Variants in ZBTB44 observed in about 807,000 individuals in gnomAD.
ZBTB44 encodes the protein zinc finger and BTB domain-containing protein 44.
A neutral mutation model predicts 54.0 loss-of-function variants in ZBTB44; 15 were observed. The ratio of observed to expected loss-of-function variants is 0.28; its 90% CI spans 0.19 to 0.43. The LOEUF is 0.43. Ranked by LOEUF, ZBTB44 falls within the 20% of genes least tolerant of loss-of-function variation. The pLI is 1.00. For missense variants in ZBTB44, 487 were observed against 707.1 expected (o/e 0.69, Z 3.53); for synonymous variants, 230 against 250.1 (o/e 0.92, Z 0.76).
At chr11:130,278,012 T>G (rs531972623) in intron 1 of ZBTB44, among the ~76,000 whole-genome samples, 16 of 152,358 alleles carry the variant, frequency 1.1e-4, no homozygotes, top group African/African-American at 3.8e-4. Flanking sequence ...TGAGTTATTT[T>G]CTTACTATTT....
chr11:130,306,677 G>A (rs1942281544), intron 1 of ZBTB44, among the ~76,000 whole-genome samples: 2 of 151,978 alleles, frequency 1.3e-5, no homozygotes, highest in Non-Finnish European at 1.5e-5. Context: ...ATCAAACAAC[G>A]AGCAGATAAA....
chr11:130,254,272 T>C (rs1191321878), intron 2 of ZBTB44, among the ~76,000 whole-genome samples: 1 of 151,728 alleles, frequency 6.6e-6, no homozygotes, highest in Admixed American at 6.6e-5. Flanking sequence ...ACCATCAGAG[T>C]GAACAGGCAA....
intron 2 of ZBTB44, among the ~76,000 whole-genome samples, chr11:130,254,218 G>A (rs1938251109): frequency 6.6e-6 from 1 of 152,138 alleles, no homozygotes; most frequent in South Asian, 2.1e-4. Context: ...ATTGACAAAT[G>A]GGATCTAATT....
chr11:130,280,114 G>C (rs990414711), intron 1 of ZBTB44, among the ~76,000 whole-genome samples: 1 of 152,146 alleles, frequency 6.6e-6, no homozygotes, highest in Non-Finnish European at 1.5e-5. Context: ...AGGGTGTCAA[G>C]CCCAAAGTAC....
At chr11:130,301,673 A>T (rs1408763263) in intron 1 of ZBTB44, among the ~76,000 whole-genome samples, 1 of 152,034 alleles carries the variant, frequency 6.6e-6, no homozygotes, top group Non-Finnish European at 1.5e-5. Flanking sequence ...CAAATAAATA[A>T]ATAAATGTGG....
chr11:130,253,896 C>A (rs1177260645), intron 2 of ZBTB44, among the ~76,000 whole-genome samples: 1 of 152,050 alleles, frequency 6.6e-6, no homozygotes, highest in East Asian at 1.9e-4. Flanking sequence ...CAGAACAGAG[C>A]CCTCAGAAAT....
intron 2 of ZBTB44, among the ~76,000 whole-genome samples, chr11:130,246,643 C>T (rs1036113309): frequency 6.6e-6 from 1 of 152,210 alleles, no homozygotes; most frequent in Admixed American, 6.5e-5. Context: ...AAAGCAATTA[C>T]AGTGGTCATC....
intron 1 of ZBTB44, among the ~76,000 whole-genome samples, chr11:130,281,654 G>A (rs904263935): frequency 1.3e-5 from 2 of 152,148 alleles, no homozygotes; most frequent in African/African-American, 4.8e-5. Flanking sequence ...GAGTGCAGTG[G>A]TGTGATATCG....
intron 1 of ZBTB44, among the ~76,000 whole-genome samples, chr11:130,297,468 G>A (rs887397533): frequency 2.0e-5 from 3 of 152,194 alleles, no homozygotes; most frequent in South Asian, 4.1e-4. Flanking sequence ...CTTGGTATGG[G>A]GTTGAATTGG....
chr11:130,239,773 A>G (rs760902156), intron 3 of ZBTB44, 39 bp downstream of exon 3: 2 of 1,540,280 alleles, frequency 1.3e-6, no homozygotes, highest in Non-Finnish European at 1.8e-6. Flanking sequence ...TTGTAAACAC[A>G]ACCCTTAAGA....
chr11:130,263,445 G>T (rs532464415), intron 1 of ZBTB44, among the ~76,000 whole-genome samples: 5 of 152,324 alleles, frequency 3.3e-5, no homozygotes, highest in Middle Eastern at 3.4e-3. Flanking sequence ...TTTAAAGCAT[G>T]GCCTTCGAGA....
At position 130,231,503 on chromosome 11, in the gene ZBTB44, G is replaced by A. The variant is rs1953875710; in HGVS notation, c.*261C>T. On this transcript the variant is annotated 3_prime_UTR_variant, in exon 8 of 8. Coordinates refer to ENST00000357899, the MANE Select transcript of ZBTB44 (RefSeq NM_001301098.2). ...CTTGGGAAGGAATACCCAGTGATGG[G>A]TAATCCCTCATTCTGAGAACACAGT... The A allele has an allele frequency of 6.6e-6, 1 of 152,074 alleles. No homozygotes were observed. The highest frequency in any genetic ancestry group is 6.5e-5 in the Admixed American group (1 of 15,268). The allele number at this position is 152,074 out of a possible 1,614,324, so 9.4% of individuals were successfully genotyped here. A position where few individuals can be genotyped will look rare whatever the true frequency, so the allele number is the denominator to read the frequency against.
At chr11:130,271,499 TAGG>T (rs1193655464) in intron 1 of ZBTB44, among the ~76,000 whole-genome samples, 2 of 152,144 alleles carry the variant, frequency 1.3e-5, no homozygotes, top group Non-Finnish European at 1.5e-5. Flanking sequence ...CAGACAAACC[TAGG>T]AGAACCCCCT....
At position 130,228,260 on chromosome 11, in the gene ZBTB44, A is replaced by C. The variant is rs1461537224; in HGVS notation, c.*3504T>G. On this transcript the variant is annotated 3_prime_UTR_variant, in exon 8 of 8. Coordinates refer to ENST00000357899, the MANE Select transcript of ZBTB44 (RefSeq NM_001301098.2). ...GCTTTTTTAAAAAATACCTTGAGAT[A>C]TAAGCATTAGAAGTCATCACTTTGT... 1 of 152,228 alleles carries C rather than the reference A, an allele frequency of 6.6e-6. No individual in the cohort carries two copies. The highest frequency in any genetic ancestry group is 1.5e-5 in the Non-Finnish European group (1 of 68,034). The allele number at this position is 152,228 out of a possible 1,614,324, so 9.4% of individuals were successfully genotyped here.
At chr11:130,284,539 G>A (rs937623566) in intron 1 of ZBTB44, among the ~76,000 whole-genome samples, 1 of 152,148 alleles carries the variant, frequency 6.6e-6, no homozygotes, top group Non-Finnish European at 1.5e-5. Flanking sequence ...ATGGAGCACA[G>A]ATGACTTGGT....
chr11:130,312,305 C>A (rs1314398506), intron 1 of ZBTB44, among the ~76,000 whole-genome samples: 1 of 152,136 alleles, frequency 6.6e-6, no homozygotes, highest in African/African-American at 2.4e-5. Context: ...AACTGGCAAA[C>A]CACACCTTTA....
rs1353819668 is a variant in ZBTB44 at position 130,226,742 on chromosome 11, T to C, written c.*5022A>G. On this transcript the variant is annotated 3_prime_UTR_variant, in exon 8 of 8. Transcript: ENST00000357899. Reference sequence around the variant, plus strand: ...AAAACAAAATCAAACCTTAGTCTCATGTTTCTATCTAAAGACACTCAAAAC... The same window carrying C: ...AAAACAAAATCAAACCTTAGTCTCACGTTTCTATCTAAAGACACTCAAAAC... 1.3e-5 allele frequency: 2 copies of C among 152,208 alleles called. No homozygotes were observed. Among genetic ancestry groups the C allele is most frequent in the Admixed American group, 6.5e-5 (1 of 15,276 alleles). 9.4% of individuals were successfully genotyped at this position (152,208 alleles called of 1,614,324 possible). A position where few individuals can be genotyped will look rare whatever the true frequency, so the allele number is the denominator to read the frequency against.
chr11:130,228,540 A>T lies in ZBTB44; in HGVS notation c.*3224T>A, dbSNP rs546022426. 84 of 152,342 alleles carry T rather than the reference A, an allele frequency of 5.5e-4. No individual in the cohort carries two copies. Among genetic ancestry groups the T allele is most frequent in the Middle Eastern group, 3.4e-3 (1 of 294 alleles). 9.4% of individuals were successfully genotyped at this position (152,342 alleles called of 1,614,324 possible). On this transcript the variant is annotated 3_prime_UTR_variant, in exon 8 of 8. Transcript: ENST00000357899. ...CCTTAGAAAGCAGGTGTTTCTAAGAACTGCAGGAAAGGCTTCCCATCTTGA... is the reference window on the plus strand; with the variant it reads ...CCTTAGAAAGCAGGTGTTTCTAAGATCTGCAGGAAAGGCTTCCCATCTTGA...
At position 130,261,189 on chromosome 11, in the gene ZBTB44, G is replaced by C; in HGVS notation, c.685C>G (p.Pro229Ala). The stretch of plus-strand genomic sequence containing the variant: ...TCAATTCCAAAAGGAAAAGTCCAAG[G>C]AAAAGCTAAGGAAGAGTCAACTGGT... Reference protein sequence around the residue: ...NQPVDSSLAFPWTFPFGIDRR... With the variant: ...NQPVDSSLAFAWTFPFGIDRR... The change falls in exon 2 of 8, where the codon CCT becomes GCT. Residue 229 changes from proline (P) to alanine (A), a missense_variant. Around this residue, in one of 3 missense-constraint regions of ZBTB44, gnomAD observed 277 missense variants for 306.5 expected, o/e 0.90. Coordinates refer to ENST00000357899, the MANE Select transcript of ZBTB44 (RefSeq NM_001301098.2). This position sits in a 1 kb window ranked among gnomAD's most constrained non-coding sequence, Gnocchi z 4.8. 6.2e-7 allele frequency: 1 copy of C among 1,613,952 alleles called. No homozygotes were observed. Among genetic ancestry groups the C allele is most frequent in the Non-Finnish European group, 8.5e-7 (1 of 1,179,892 alleles).
Sources: allele counts gnomAD v4.1 joint callset (sites outside exome capture counted in the v4.1 genomes callset), GRCh38; gene constraint gnomAD v4.1.1; regional missense constraint gnomAD v4.1.1; non-coding constraint Gnocchi (gnomAD v3.1); transcripts MANE v1.5; gene names NCBI Gene and HGNC (gene_info 2026-07-23, HGNC 2026-07-21).